Variants in ESYT2 observed in about 807,000 individuals in gnomAD.
ESYT2 encodes extended synaptotagmin 2.
A neutral mutation model predicts 107.2 loss-of-function variants in ESYT2; 54 were observed. That is an observed-to-expected ratio of 0.50 (90% confidence interval 0.40 to 0.63). The LOEUF is 0.63. Among genes scored for constraint, ESYT2 ranks in the 30% least tolerant of loss-of-function variants. The probability of loss-of-function intolerance (pLI) is 0.00; values close to 1 mark genes in which losing one functional copy is unlikely to be tolerated. For missense variants in ESYT2, 1,020 were observed against 1,094.5 expected (o/e 0.93, Z 0.96); for synonymous variants, 491 against 434.1 (o/e 1.13, Z -1.63).
intron 6 of ESYT2, among the ~76,000 whole-genome samples, chr7:158,785,616 G>C (rs999683573): frequency 6.6e-6 from 1 of 152,136 alleles, no homozygotes; most frequent in Non-Finnish European, 1.5e-5. Flanking sequence ...GTGTGAGGTA[G>C]GTATTACTGT....
intron 1 of ESYT2, chr7:158,827,586 G>C (rs931223334): frequency 6.6e-6 from 1 of 152,118 alleles, no homozygotes; most frequent in South Asian, 2.1e-4. Flanking sequence ...CCACGCATCG[G>C]CAGAACTGTA....
chr7:158,785,844 C>G (rs1839092972), intron 6 of ESYT2, among the ~76,000 whole-genome samples: 1 of 152,096 alleles, frequency 6.6e-6, no homozygotes. Flanking sequence ...ATTATAAAAA[C>G]TAAACAAGCC....
At chr7:158,767,951 T>C (rs994897259) in intron 7 of ESYT2, among the ~76,000 whole-genome samples, 177 bp from the exon 8 acceptor site, 4 of 152,356 alleles carry the variant, frequency 2.6e-5, no homozygotes, top group South Asian at 2.1e-4. Flanking sequence ...TTAGCTGTGA[T>C]ACCACTATGG....
chr7:158,801,758 G>T (rs766712888), intron 1 of ESYT2, among the ~76,000 whole-genome samples: 1 of 152,092 alleles, frequency 6.6e-6, no homozygotes, highest in Non-Finnish European at 1.5e-5. Context: ...TATTATATTT[G>T]AGTTGACACC....
chr7:158,759,659 T>A (rs966161302), intron 12 of ESYT2, 78 bp from the exon 13 acceptor site: 96 of 1,190,360 alleles, frequency 8.1e-5, no homozygotes, highest in Admixed American at 9.5e-5. Flanking sequence ...TGTATCATGT[T>A]GATTACGCTA....
At chr7:158,824,992 C>G (rs1218137422) in intron 1 of ESYT2, among the ~76,000 whole-genome samples, 1 of 152,096 alleles carries the variant, frequency 6.6e-6, no homozygotes, top group Non-Finnish European at 1.5e-5. Flanking sequence ...AGAACCGCCT[C>G]TCTTTAAAAA....
In ESYT2 at chr7:158,735,119, A is replaced by G. The variant is rs533717562; in HGVS notation, c.2505+384T>C. 8.5e-5 allele frequency among the ~76,000 whole-genome samples: 13 copies of G among 152,320 alleles called. No individual in the cohort carries two copies. In the East Asian group the frequency reaches 2.5e-3, roughly 29 times the overall value. On this transcript the variant is annotated intron_variant, in intron 21 of 22. Coordinates refer to ENST00000275418, the MANE Select transcript of ESYT2 (RefSeq NM_001367773.1). Reference sequence around the variant, plus strand: ...CGTGACTCAAATCTCTTCCTCCCCAACTGAACCTACTCTCATTCCTAAATA... The same window carrying G: ...CGTGACTCAAATCTCTTCCTCCCCAGCTGAACCTACTCTCATTCCTAAATA...
chr7:158,750,668 T>C (rs577166780), intron 14 of ESYT2, among the ~76,000 whole-genome samples: 3 of 152,296 alleles, frequency 2.0e-5, no homozygotes, highest in South Asian at 4.1e-4. Context: ...TTGAAAAAAG[T>C]TTCCAAGGCT....
chr7:158,796,212 AG>A, intron 3 of ESYT2, among the ~76,000 whole-genome samples: 1 of 152,356 alleles, frequency 6.6e-6, no homozygotes, highest in East Asian at 1.9e-4. Flanking sequence ...CTGAGTCTTT[AG>A]GCATATAAAA....
chr7:158,769,119 T>C (rs1838266838), intron 7 of ESYT2, among the ~76,000 whole-genome samples: 1 of 152,160 alleles, frequency 6.6e-6, no homozygotes, highest in Non-Finnish European at 1.5e-5. Context: ...GTTCAACAAA[T>C]AATGCCCAAC....
intron 2 of ESYT2, among the ~76,000 whole-genome samples, chr7:158,798,646 CAAAAAAAAAAAAAAAAAA>C (rs57351086): frequency 2.0e-5 from 1 of 49,852 alleles, no homozygotes; most frequent in African/African-American, 8.8e-5. Context: ...AGCTCCGTCT[CAAAAAAAAAAAAAAAAAA>C]AAAAAAAAAA....
At chr7:158,810,007 T>G (rs73732403) in intron 1 of ESYT2, among the ~76,000 whole-genome samples, 1 of 152,368 alleles carries the variant, frequency 6.6e-6, no homozygotes, top group South Asian at 2.1e-4. Flanking sequence ...ACTTAATTTG[T>G]CTGAGATTTT....
chr7:158,762,455 A>G (rs1838003838), intron 10 of ESYT2, among the ~76,000 whole-genome samples: 1 of 152,244 alleles, frequency 6.6e-6, no homozygotes, highest in Non-Finnish European at 1.5e-5. Context: ...TTGATGAGGT[A>G]TGAACCTCTC....
intron 13 of ESYT2, among the ~76,000 whole-genome samples, chr7:158,754,115 G>A (rs1386059542): frequency 1.3e-5 from 2 of 152,178 alleles, no homozygotes; most frequent in Non-Finnish European, 2.9e-5. Context: ...GCCCCGTCGG[G>A]AGGCCTCTGG....
intron 6 of ESYT2, among the ~76,000 whole-genome samples, chr7:158,780,133 C>T (rs1838721257): frequency 6.6e-6 from 1 of 152,192 alleles, no homozygotes; most frequent in Non-Finnish European, 1.5e-5. Flanking sequence ...ATACTAGAAG[C>T]ATCCCTATCA....
intron 6 of ESYT2, among the ~76,000 whole-genome samples, chr7:158,782,942 C>T (rs905758550): frequency 1.1e-4 from 16 of 152,274 alleles, no homozygotes; most frequent in Non-Finnish European, 1.9e-4. Context: ...ATGAGGGCAC[C>T]GTGGAGAAGC....
At chr7:158,808,953 G>C (rs561954500) in intron 1 of ESYT2, among the ~76,000 whole-genome samples, 1 of 151,628 alleles carries the variant, frequency 6.6e-6, no homozygotes, top group Admixed American at 6.6e-5. Context: ...TCCAGCCTGG[G>C]TGACAGAGTG....
rs1320186816 is a variant in ESYT2 at position 158,829,289 on chromosome 7, A to G, written c.130T>C (p.Phe44Leu). The G allele has an allele frequency of 2.0e-5, 31 of 1,512,240 alleles. No homozygotes were observed. Among genetic ancestry groups the G allele is most frequent in the Non-Finnish European group, 2.6e-5 (30 of 1,139,088 alleles). The allele number at this position is 1,512,240 out of a possible 1,614,324, so 93.7% of individuals were successfully genotyped here. A position where few individuals can be genotyped will look rare whatever the true frequency, so the allele number is the denominator to read the frequency against. Residue 44 changes from phenylalanine (F) to leucine (L), a missense_variant, in exon 1 of 23, where the codon TTC (phenylalanine) becomes CTC (leucine). Coordinates refer to ENST00000275418, the MANE Select transcript of ESYT2 (RefSeq NM_001367773.1). ...GCGTACACGGGCAGCAGCAGCGCGA[A>G]GCTCCGCGCCAGCTGCGCCAGCAGC... ...PGLLAQLARS[F>L]ALLLPVYALG...
intron 1 of ESYT2, among the ~76,000 whole-genome samples, chr7:158,826,214 T>C (rs1294048477): frequency 6.6e-6 from 1 of 152,192 alleles, no homozygotes; most frequent in Admixed American, 6.5e-5. Flanking sequence ...TATTACACTT[T>C]TAATAAATAT....
Sources: gnomAD v4.1 joint callset for allele counts (sites outside exome capture counted in the v4.1 genomes callset) on GRCh38, gnomAD v4.1.1 for gene constraint, MANE v1.5 for transcripts, NCBI Gene and HGNC (gene_info 2026-07-23, HGNC 2026-07-21) for gene names.